Variants in OXR1 observed in about 807,000 individuals in gnomAD.
The protein encoded by OXR1 is oxidation resistance 1, also known as oxidation resistance protein 1.
Under a neutral mutation model 104.6 loss-of-function variants are expected in OXR1, and 41 were observed. The ratio of observed to expected loss-of-function variants is 0.39; its 90% CI spans 0.31 to 0.51. The LOEUF is 0.51. OXR1 is among the 20% of genes least tolerant of loss of function. The pLI is 0.77. For missense variants in OXR1, 955 were observed against 1,031.9 expected (o/e 0.93, Z 1.02); for synonymous variants, 348 against 348.4 (o/e 1.00, Z 0.01).
At chr8:106,466,255 G>A (rs1022781002) in intron 2 of OXR1, among the ~76,000 whole-genome samples, 1 of 151,896 alleles carries the variant, frequency 6.6e-6, no homozygotes. Flanking sequence ...ATGAAATTCA[G>A]TGTTCATAGT....
At chr8:106,649,917 C>T (rs1285535889) in intron 3 of OXR1, among the ~76,000 whole-genome samples, 1 of 152,050 alleles carries the variant, frequency 6.6e-6, no homozygotes, top group Non-Finnish European at 1.5e-5. Context: ...AGAATGGTCT[C>T]GACCTCCTGA....
At chr8:106,323,767 T>A (rs1033794627) in intron 1 of OXR1, among the ~76,000 whole-genome samples, 2 of 151,984 alleles carry the variant, frequency 1.3e-5, no homozygotes, top group Admixed American at 6.6e-5. Context: ...AAAAGCCCAA[T>A]ATCACTGACC....
intron 16 of OXR1, among the ~76,000 whole-genome samples, chr8:106,747,818 G>A (rs1396487905): frequency 6.6e-6 from 1 of 152,098 alleles, no homozygotes; most frequent in Non-Finnish European, 1.5e-5. Context: ...GGTTACCTTG[G>A]AAAAAACTAT....
At chr8:106,315,093 G>A (rs142352369) in intron 1 of OXR1, among the ~76,000 whole-genome samples, 26 of 151,878 alleles carry the variant, frequency 1.7e-4, no homozygotes, top group African/African-American at 5.8e-4. Context: ...CATTGTAGTA[G>A]AAAGGGTCCT....
chr8:106,297,348 G>A (rs1273917053), intron 1 of OXR1, among the ~76,000 whole-genome samples: 1 of 152,036 alleles, frequency 6.6e-6, no homozygotes, highest in Non-Finnish European at 1.5e-5. Context: ...ACTAAATACA[G>A]TAATGTGTCC....
At chr8:106,671,022 G>GCGAC (rs1242674411) in intron 3 of OXR1, among the ~76,000 whole-genome samples, 19 of 114,738 alleles carry the variant, frequency 1.7e-4, no homozygotes, top group Non-Finnish European at 3.0e-4. Context: ...TCCAGCCTGG[G>GCGAC]TGACAGAGTG....
chr8:106,556,868 T>C (rs1049931296), intron 3 of OXR1, among the ~76,000 whole-genome samples: 2 of 152,216 alleles, frequency 1.3e-5, no homozygotes, highest in Middle Eastern at 3.2e-3. Flanking sequence ...TAACTCACTG[T>C]GTTTCCTAAC....
intron 1 of OXR1, among the ~76,000 whole-genome samples, chr8:106,277,904 G>A (rs1457895434): frequency 6.6e-6 from 1 of 152,154 alleles, no homozygotes; most frequent in African/African-American, 2.4e-5. Context: ...CTGGAAAGGT[G>A]GAATATACTG....
chr8:106,394,429 G>A (rs1212749384), intron 2 of OXR1, among the ~76,000 whole-genome samples: 2 of 151,788 alleles, frequency 1.3e-5, no homozygotes, highest in Non-Finnish European at 2.9e-5. Context: ...ACCAACACCT[G>A]TGCTATGATG....
intron 1 of OXR1, among the ~76,000 whole-genome samples, chr8:106,306,040 C>T (rs990600679): frequency 1.3e-5 from 2 of 151,454 alleles, no homozygotes; most frequent in Non-Finnish European, 3.0e-5. Context: ...TCCATTCCTT[C>T]AGAGCTCTTT....
intron 3 of OXR1, among the ~76,000 whole-genome samples, chr8:106,600,402 C>T (rs911176857): frequency 2.0e-5 from 3 of 152,296 alleles, no homozygotes; most frequent in East Asian, 1.9e-4. Context: ...CATCCAAGGC[C>T]TAGGTTCTTT....
rs774335955 is a variant in OXR1 at position 106,698,111 on chromosome 8, A to G, written c.676-4795A>G. The G allele has an allele frequency of 1.6e-5, 12 of 743,326 alleles. No homozygotes were observed. In the Admixed American group the frequency reaches 2.4e-4, roughly 15 times the overall value. The allele number at this position is 743,326 out of a possible 1,614,324, so 46.0% of individuals were successfully genotyped here. ...CTGCAGCTGCCGAGCTTCTTCTTAC[A>G]TGCTTATTTTCTACCCAGATATCCT... On this transcript the variant is annotated intron_variant, in intron 7 of 16. Coordinates refer to ENST00000517566, the MANE Select transcript of OXR1 (RefSeq NM_001198533.2).
intron 14 of OXR1, 32 bp downstream of exon 14, chr8:106,740,527 C>G (rs1214195187): frequency 6.4e-7 from 1 of 1,554,416 alleles, no homozygotes; most frequent in Admixed American, 1.9e-5. Flanking sequence ...GATTGCTTAT[C>G]CTTTAAGAGC....
chr8:106,551,805 T>TAC (rs1401817437), intron 3 of OXR1, among the ~76,000 whole-genome samples: 163 of 132,068 alleles, frequency 1.2e-3, no homozygotes, highest in African/African-American at 4.4e-3. Context: ...TATATATATA[T>TAC]ATATATATAC....
At chr8:106,326,156 G>A (rs117122373) in intron 1 of OXR1, among the ~76,000 whole-genome samples, 1 of 152,270 alleles carries the variant, frequency 6.6e-6, no homozygotes, top group Non-Finnish European at 1.5e-5. Context: ...TGACCACATC[G>A]TCTGTCAAAA....
chr8:106,292,903 C>T (rs1812815770), intron 1 of OXR1, among the ~76,000 whole-genome samples: 1 of 152,202 alleles, frequency 6.6e-6, no homozygotes, highest in Non-Finnish European at 1.5e-5. Flanking sequence ...TTTCAGGAAG[C>T]TTCGCCCTGG....
At chr8:106,665,394 CA>C (rs1563682346) in intron 3 of OXR1, among the ~76,000 whole-genome samples, 1 of 152,042 alleles carries the variant, frequency 6.6e-6, no homozygotes, top group Non-Finnish European at 1.5e-5. Context: ...TTGTTCTTAT[CA>C]AAGTTATAAC....
intron 16 of OXR1, among the ~76,000 whole-genome samples, chr8:106,749,727 C>T (rs537578339): frequency 2.0e-5 from 3 of 152,198 alleles, no homozygotes; most frequent in African/African-American, 7.2e-5. Flanking sequence ...TTTAGAGAAT[C>T]CCAAGGGATA....
At chr8:106,674,500 AC>A (rs1353816331) in intron 3 of OXR1, among the ~76,000 whole-genome samples, 1 of 152,048 alleles carries the variant, frequency 6.6e-6, no homozygotes, top group Non-Finnish European at 1.5e-5. Context: ...AAGACTTTGG[AC>A]TTGGATTTTA....
Sources: allele counts gnomAD v4.1 joint callset (sites outside exome capture counted in the v4.1 genomes callset), GRCh38; gene constraint gnomAD v4.1.1; transcripts MANE v1.5; gene names NCBI Gene and HGNC (gene_info 2026-07-23, HGNC 2026-07-21).